RBL1: variants seen among roughly 807,000 people sequenced by gnomAD.
RBL1 encodes retinoblastoma-like protein 1.
In RBL1, 82 loss-of-function variants were observed where a neutral mutation model predicts 123.0. That is an observed-to-expected ratio of 0.67 (90% CI 0.56 to 0.80). The LOEUF (loss-of-function observed/expected upper bound fraction) is 0.80, where lower values mean the gene tolerates loss of function less well. Ranked by LOEUF, RBL1 falls within the 30% of genes least tolerant of loss-of-function variation. The pLI, the probability that RBL1 is intolerant of heterozygous loss-of-function variation, is 0.00. For missense variants in RBL1, 1,171 were observed against 1,299.6 expected, an observed-to-expected ratio of 0.90 and a Z score of 1.52; for synonymous variants, 405 against 441.3, an observed-to-expected ratio of 0.92 and a Z score of 1.03.
In RBL1 at chr20:37,003,766, T is replaced by G. The variant is rs2064024449; in HGVS notation, c.2972A>C (p.Lys991Thr). The change falls in exon 21 of 22, where the codon AAG becomes ACG. Residue 991 changes from lysine (K) to threonine (T), a missense_variant. Lys to Thr is a moderately conservative substitution (Grantham distance 78). Transcript: ENST00000373664. ...QQHSIYISPH[K>T]NGSGLTPRSA... ...TCTTGGTGTAAGGCCTGACCCATTC[T>G]TGTGCGGGGAAATATAAATGGAGTG... 1 of 1,613,942 alleles carries G rather than the reference T, an allele frequency of 6.2e-7. No homozygotes were observed. Among genetic ancestry groups the G allele is most frequent in the African/African-American group, 1.3e-5 (1 of 74,916 alleles).
chr20:37,039,145 A>G (rs2064680805), intron 14 of RBL1, among the ~76,000 whole-genome samples: 1 of 152,330 alleles, frequency 6.6e-6, no homozygotes, highest in South Asian at 2.1e-4. Context: ...AAGAGAAAAT[A>G]AGGAAGAATG....
At chr20:37,049,888 C>A (rs1455369690) in intron 11 of RBL1, among the ~76,000 whole-genome samples, 4 of 151,640 alleles carry the variant, frequency 2.6e-5, no homozygotes, top group Non-Finnish European at 5.9e-5. Flanking sequence ...CATGGAGAAA[C>A]CCCGTCTCTA....
intron 20 of RBL1, among the ~76,000 whole-genome samples, chr20:37,005,034 C>G (rs960914068): frequency 3.9e-5 from 6 of 151,916 alleles, no homozygotes; most frequent in African/African-American, 1.5e-4. Context: ...GAGTGAGACT[C>G]TGTCTCAAAA....
At chr20:37,052,320 C>T (rs557799976) in intron 11 of RBL1, among the ~76,000 whole-genome samples, 132 of 151,818 alleles carry the variant, frequency 8.7e-4, no homozygotes, top group Middle Eastern at 3.4e-3. Flanking sequence ...CGTGAGCCGC[C>T]GTGCCCAGCC....
chr20:37,034,315 G>T (rs1224272966), intron 15 of RBL1, among the ~76,000 whole-genome samples: 2 of 151,126 alleles, frequency 1.3e-5, no homozygotes, highest in African/African-American at 2.4e-5. Context: ...AGCAAATTTT[G>T]TTCTCTATTT....
intron 14 of RBL1, among the ~76,000 whole-genome samples, chr20:37,038,184 G>T (rs536966224): frequency 1.3e-5 from 2 of 150,256 alleles, no homozygotes; most frequent in Non-Finnish European, 3.0e-5. Flanking sequence ...TAGAGACAGG[G>T]TTTCACCATG....
chr20:37,066,353 T>C (rs2065175916), intron 6 of RBL1, among the ~76,000 whole-genome samples: 1 of 152,228 alleles, frequency 6.6e-6, no homozygotes, highest in South Asian at 2.1e-4. Context: ...CATCCTACTT[T>C]TAGTCAACAG....
chr20:37,017,933 C>A (rs1369504990), intron 19 of RBL1, among the ~76,000 whole-genome samples: 3 of 152,126 alleles, frequency 2.0e-5, no homozygotes, highest in Non-Finnish European at 4.4e-5. Context: ...CCATGCCCAG[C>A]CGGGACATTT....
At chr20:37,010,321 T>C (rs181290233) in intron 19 of RBL1, among the ~76,000 whole-genome samples, 172 of 152,306 alleles carry the variant, frequency 1.1e-3, no homozygotes, top group Admixed American at 4.5e-3. Context: ...ATTAATACAA[T>C]AAATTTGATA....
chr20:37,068,240 G>A, intron 2 of RBL1, 54 bp from the exon 3 acceptor site: 1 of 1,496,618 alleles, frequency 6.7e-7, no homozygotes. Flanking sequence ...TTTAAATAAT[G>A]GATTGAAAGG....
intron 17 of RBL1, chr20:37,022,048 CAA>C (rs2064349361): frequency 6.6e-6 from 1 of 152,080 alleles, no homozygotes; most frequent in African/African-American, 2.4e-5. Context: ...ACAGAGATTT[CAA>C]AGAGGCATTG....
intron 19 of RBL1, among the ~76,000 whole-genome samples, chr20:37,012,008 G>A (rs1316372824): frequency 3.3e-5 from 5 of 152,200 alleles, no homozygotes; most frequent in East Asian, 3.9e-4. Flanking sequence ...GATTGCAGGC[G>A]CGCGCTGTCA....
chr20:37,014,605 C>T (rs1260966686), intron 19 of RBL1, among the ~76,000 whole-genome samples: 2 of 151,796 alleles, frequency 1.3e-5, no homozygotes, highest in Non-Finnish European at 2.9e-5. Flanking sequence ...TCAAGACTGG[C>T]CTTGGCAACA....
chr20:37,095,072 G>A (rs1476034158), intron 1 of RBL1, among the ~76,000 whole-genome samples: 3 of 152,250 alleles, frequency 2.0e-5, no homozygotes, highest in South Asian at 4.1e-4. Context: ...AAGAATGATG[G>A]GGAAAAAAAT....
intron 19 of RBL1, among the ~76,000 whole-genome samples, chr20:37,009,316 G>A (rs537638909): frequency 6.6e-6 from 1 of 151,962 alleles, no homozygotes; most frequent in African/African-American, 2.4e-5. Context: ...GAGCCACTGC[G>A]CCTGGACCCC....
At position 37,018,129 on chromosome 20, in the gene RBL1, C is replaced by G. The variant is rs1179999600; in HGVS notation, c.2722+150G>C. ...TTTCAATAAACTATACCAGCACATT[C>G]TAATCTCAAACTTATTTGTTTTCAA... On this transcript the variant is annotated intron_variant, in intron 19 of 21. Coordinates refer to ENST00000373664, the MANE Select transcript of RBL1 (RefSeq NM_002895.5). 4 of 938,826 alleles carry G rather than the reference C, an allele frequency of 4.3e-6. No homozygotes were observed. The Admixed American group carries it at 1.6e-4, about 39-fold the overall frequency. The allele number at this position is 938,826 out of a possible 1,614,324, so 58.2% of individuals were successfully genotyped here.
chr20:37,062,122 C>G lies in RBL1; in HGVS notation c.1045G>C (p.Ala349Pro), dbSNP rs746022907. The G allele has an allele frequency of 6.2e-6, 10 of 1,613,992 alleles. No individual in the cohort carries two copies. Among genetic ancestry groups the G allele is most frequent in the Non-Finnish European group, 8.5e-7 (1 of 1,180,020 alleles). ...DTPLGKLTAQ[A>P]NVEYNLQQHF... ...TGTTGAAGGTTATACTCCACATTAG[C>G]CTGTGCTGTCAGTTTCCCTAATGGG... The change falls in exon 8 of 22, where the codon GCT becomes CCT. Residue 349 changes from alanine to proline, a missense_variant. Transcript: ENST00000373664.
At chr20:37,067,491 G>A (rs62206486) in intron 3 of RBL1, among the ~76,000 whole-genome samples, 194 bp from the exon 4 acceptor site, 1 of 151,996 alleles carries the variant, frequency 6.6e-6, no homozygotes, top group African/African-American at 2.4e-5. Context: ...ACATAGGGCT[G>A]GGTGTGGTGG....
At chr20:37,077,432 G>A (rs1427878556) in intron 2 of RBL1, among the ~76,000 whole-genome samples, 1 of 152,044 alleles carries the variant, frequency 6.6e-6, no homozygotes, top group Non-Finnish European at 1.5e-5. Context: ...AATGTAGGTG[G>A]AACTCATCCA....
Sources: allele counts gnomAD v4.1 joint callset (sites outside exome capture counted in the v4.1 genomes callset), GRCh38; gene constraint gnomAD v4.1.1; transcripts MANE v1.5; gene names NCBI Gene and HGNC (gene_info 2026-07-23, HGNC 2026-07-21).